Variants in OSBP2 observed in about 807,000 individuals in gnomAD.
The protein encoded by OSBP2 is oxysterol binding protein 2, also known as oxysterol-binding protein 2.
In OSBP2, 66 loss-of-function variants were observed where a neutral mutation model predicts 96.0. The observed-to-expected ratio is 0.69, with a 90% CI of 0.56 to 0.84. The LOEUF (loss-of-function observed/expected upper bound fraction) is 0.84, where lower values mean the gene tolerates loss of function less well. Among genes scored for constraint, OSBP2 ranks in the 40% least tolerant of loss-of-function variants. The pLI, the probability that OSBP2 is intolerant of heterozygous loss-of-function variation, is 0.00. For missense variants in OSBP2, 1,038 were observed against 1,222.7 expected (o/e 0.85, Z 2.25); for synonymous variants, 525 against 520.9 (o/e 1.01, Z -0.11).
At chr22:30,844,077 G>T (rs2147041775) in intron 2 of OSBP2, among the ~76,000 whole-genome samples, 2 of 152,194 alleles carry the variant, frequency 1.3e-5, no homozygotes, top group South Asian at 4.2e-4. Flanking sequence ...GTTTTACTGT[G>T]TCACCCAGGC....
intron 1 of OSBP2, among the ~76,000 whole-genome samples, chr22:30,733,332 C>T (rs984943658): frequency 7.2e-5 from 11 of 152,228 alleles, no homozygotes; most frequent in Non-Finnish European, 1.3e-4. Flanking sequence ...ACAGAGGCCA[C>T]TCATGTTCTC....
At chr22:30,822,603 C>T in intron 2 of OSBP2, 4 of 1,525,196 alleles carry the variant, frequency 2.6e-6, no homozygotes, top group Non-Finnish European at 3.5e-6. Context: ...TAGCGCCCCG[C>T]CGATTGGAGG....
chr22:30,821,746 T>A (rs762023169), intron 2 of OSBP2, among the ~76,000 whole-genome samples: 11 of 152,226 alleles, frequency 7.2e-5, no homozygotes, highest in Non-Finnish European at 1.2e-4. Context: ...TGAGTGTTTC[T>A]GTTAACATCT....
chr22:30,905,565 C>G (rs2040312616), intron 12 of OSBP2, among the ~76,000 whole-genome samples: 1 of 152,174 alleles, frequency 6.6e-6, no homozygotes, highest in Admixed American at 6.5e-5. Flanking sequence ...TTAAGCTAGG[C>G]AATTCCCAGA....
At chr22:30,869,067 GC>G (rs1453724787) in intron 2 of OSBP2, among the ~76,000 whole-genome samples, 1 of 152,150 alleles carries the variant, frequency 6.6e-6, no homozygotes, top group African/African-American at 2.4e-5. Context: ...TTAAACAGCA[GC>G]CTGGCCCTAG....
chr22:30,824,863 C>A (rs1044353231), intron 2 of OSBP2, among the ~76,000 whole-genome samples: 1 of 152,120 alleles, frequency 6.6e-6, no homozygotes, highest in Non-Finnish European at 1.5e-5. Flanking sequence ...AAGGTCTGGG[C>A]GTATGGAGGT....
At chr22:30,708,342 A>G (rs149027472) in intron 1 of OSBP2, among the ~76,000 whole-genome samples, 212 of 152,174 alleles carry the variant, frequency 1.4e-3, no homozygotes, top group African/African-American at 4.9e-3. Flanking sequence ...CCATGTACCC[A>G]TTACCTAGTT....
intron 2 of OSBP2, among the ~76,000 whole-genome samples, chr22:30,760,532 G>T (rs1442154258): frequency 2.0e-5 from 3 of 152,074 alleles, no homozygotes; most frequent in Non-Finnish European, 2.9e-5. Flanking sequence ...ATCAATAAAT[G>T]GGGCTGGGGG....
Position 30,889,234 on chromosome 22 carries a change from TGTAA to T in OSBP2, c.1476+3_1476+6del. 6.2e-7 allele frequency: 1 copy of T among 1,611,238 alleles called. No individual in the cohort carries two copies. Among genetic ancestry groups the T allele is most frequent in the Admixed American group, 1.7e-5 (1 of 59,806 alleles). On this transcript the variant is annotated splice_donor_variant and splice_donor_region_variant and intron_variant, in intron 6 of 13. Coordinates refer to ENST00000332585, the MANE Select transcript of OSBP2 (RefSeq NM_030758.4). LOFTEE classifies it high-confidence loss of function. Reference sequence around the variant, plus strand: ...CCGTGGACTGGAGCTCAGCAGACAATGTAAGTGAGGGGGAGCACTGTAAGGGCCA... The same window carrying T: ...CCGTGGACTGGAGCTCAGCAGACAATGTGAGGGGGAGCACTGTAAGGGCCA...
upstream of OSBP2, chr22:30,694,319 C>G: frequency 6.5e-7 from 1 of 1,548,230 alleles, no homozygotes. Context: ...CCGCTTCTGG[C>G]GGCCGCAGGA....
chr22:30,823,495 A>C, intron 2 of OSBP2, among the ~76,000 whole-genome samples: 1 of 152,254 alleles, frequency 6.6e-6, no homozygotes. Flanking sequence ...AATTTCACCT[A>C]ACACGAATTT....
In OSBP2 at chr22:30,753,374, G is replaced by A. The variant is rs117884782; in HGVS notation, c.853+12005G>A. ...TGGTGGGCATGGTTGGAGCAAAAGG[G>A]TAGATGTGTTCAGGGACTGTGAGTG... is the stretch of plus-strand genomic sequence containing the variant. On this transcript the variant is annotated intron_variant, in intron 2 of 13. Transcript: ENST00000332585. Among the ~76,000 whole-genome samples the A allele has an allele frequency of 3.9e-5, 6 of 152,256 alleles. No individual in the cohort carries two copies. The East Asian group carries it at 7.7e-4, about 20-fold the overall frequency.
At chr22:30,782,139 CTG>C (rs1234992569) in intron 2 of OSBP2, among the ~76,000 whole-genome samples, 1 of 152,178 alleles carries the variant, frequency 6.6e-6, no homozygotes, top group Non-Finnish European at 1.5e-5. Context: ...GAGTGAGACT[CTG>C]TCTCAAAATC....
At chr22:30,730,727 T>TCTCTCC (rs1602183361) in intron 1 of OSBP2, among the ~76,000 whole-genome samples, 28 of 19,524 alleles carry the variant, frequency 1.4e-3, no homozygotes, top group Admixed American at 4.4e-3. Flanking sequence ...TCTCTCTCTC[T>TCTCTCC]CTCTCTCTCT....
chr22:30,707,893 CTT>C (rs978279814), intron 1 of OSBP2, among the ~76,000 whole-genome samples: 2 of 144,946 alleles, frequency 1.4e-5, no homozygotes, highest in Non-Finnish European at 1.5e-5. Context: ...TTTCTTTTTT[CTT>C]TTTTTTTTTG....
rs191757559 is a variant in OSBP2, at chr22:30,881,504, G to T, written c.1108-5922G>T. 6.6e-6 allele frequency among the ~76,000 whole-genome samples: 1 copy of T among 152,150 alleles called. No homozygotes were observed. The highest frequency in any genetic ancestry group is 2.4e-5 in the African/African-American group (1 of 41,430). The stretch of plus-strand genomic sequence containing the variant: ...TCTCCTCCTGCTCACAGCTGAGCAC[G>T]AGTCTCCTGGCCCCAGGTAGAGTTG... On this transcript the variant is annotated intron_variant, in intron 3 of 13. Transcript: ENST00000332585. The surrounding 1 kb of genome is among the most constrained non-coding windows in gnomAD (Gnocchi z 4.5).
At chr22:30,809,257 T>A (rs888021577) in intron 2 of OSBP2, among the ~76,000 whole-genome samples, 1 of 152,228 alleles carries the variant, frequency 6.6e-6, no homozygotes, top group African/African-American at 2.4e-5. Context: ...ACTAACACAG[T>A]GAGTAAGACT....
intron 6 of OSBP2, 58 bp from the exon 7 acceptor site, chr22:30,889,432 A>T (rs1177503021): frequency 1.2e-6 from 2 of 1,602,108 alleles, no homozygotes; most frequent in East Asian, 4.5e-5. Context: ...GAAACTTGGA[A>T]GCCAAGGGGG....
chr22:30,875,867 C>G (rs563676839), intron 3 of OSBP2, among the ~76,000 whole-genome samples: 1 of 152,360 alleles, frequency 6.6e-6, no homozygotes, highest in South Asian at 2.1e-4. Context: ...TGATCCCTGC[C>G]CAGGCCTGTG....
Sources: allele counts gnomAD v4.1 joint callset (sites outside exome capture counted in the v4.1 genomes callset), GRCh38; gene constraint gnomAD v4.1.1; non-coding constraint Gnocchi (gnomAD v3.1); transcripts MANE v1.5; gene names NCBI Gene and HGNC (gene_info 2026-07-23, HGNC 2026-07-21).